Variants in DOT1L observed in about 807,000 individuals in gnomAD.
DOT1L encodes DOT1 like histone lysine methyltransferase.
Under a neutral mutation model 153.3 loss-of-function variants are expected in DOT1L, and 33 were observed. The ratio of observed to expected loss-of-function variants is 0.22; its 90% CI spans 0.16 to 0.29. The LOEUF (loss-of-function observed/expected upper bound fraction) is 0.29. Ranked by LOEUF, DOT1L falls within the 10% of genes least tolerant of loss-of-function variation. The probability of loss-of-function intolerance (pLI) is 1.00; values close to 1 mark genes in which losing one functional copy is unlikely to be tolerated. For missense variants in DOT1L, 1,847 were observed against 2,119.9 expected, an observed-to-expected ratio of 0.87 and a Z score of 2.53; for synonymous variants, 1,135 against 965.1, an observed-to-expected ratio of 1.18 and a Z score of -3.26.
intron 27 of DOT1L, chr19:2,227,663 G>T: frequency 7.9e-7 from 1 of 1,269,398 alleles, no homozygotes. Context: ...CTTTTTGTGA[G>T]CCTGCGGCTG....
Position 2,226,927 on chromosome 19 carries a change from C to T in DOT1L, c.4406C>T (p.Pro1469Leu), listed in dbSNP as rs375062102. The change falls in exon 27 of 28, where the codon CCG becomes CTG. Residue 1469 changes from proline (P) to leucine (L), a missense_variant. Around this residue, in one of 8 missense-constraint regions of DOT1L, gnomAD observed 934 missense variants for 825.3 expected, o/e 1.13. Coordinates refer to ENST00000398665, the MANE Select transcript of DOT1L (RefSeq NM_032482.3). ...QTHRSFLGPF[P>L]PGPQFALGPM... ...CACCGGTCCTTCCTGGGCCCCTTCC[C>T]GCCGGGACCGCAGTTCGCGCTCGGC... The T allele has an allele frequency of 4.4e-6, 7 of 1,581,612 alleles. No individual in the cohort carries two copies. In the African/African-American group the frequency reaches 5.5e-5, roughly 12 times the overall value.
At chr19:2,219,781 G>A (rs1335564601) in intron 22 of DOT1L, among the ~76,000 whole-genome samples, 1 of 152,168 alleles carries the variant, frequency 6.6e-6, no homozygotes, top group East Asian at 1.9e-4. Flanking sequence ...GGAGAACACA[G>A]CCGCTTCCCG....
In DOT1L at chr19:2,222,316, C is replaced by T; in HGVS notation, c.3147C>T (p.Ile1049=). The T allele has an allele frequency of 6.2e-7, 1 of 1,613,032 alleles. No homozygotes were observed. The highest frequency in any genetic ancestry group is 2.2e-5 in the East Asian group (1 of 44,876). Residue 1049 remains isoleucine, a synonymous_variant, in exon 24 of 28, where the codon ATC becomes ATT. Coordinates refer to ENST00000398665, the MANE Select transcript of DOT1L (RefSeq NM_032482.3). The surrounding 1 kb of genome is among the most constrained non-coding windows in gnomAD (Gnocchi z 6.5). ...CCAAGAGGAGGATTGTGTTCACCAT[C>T]ACCACTGGTGCGGGCAGTGCCAAGC... The part of the protein sequence containing the change: ...SEAKRRIVFT[I]TTGAGSAKQS...
intron 2 of DOT1L, among the ~76,000 whole-genome samples, chr19:2,181,396 T>G (rs531812817): frequency 6.6e-6 from 1 of 152,292 alleles, no homozygotes; most frequent in Non-Finnish European, 1.5e-5. Context: ...ACACCGCCCG[T>G]GCCCATGCCC....
chr19:2,217,653 C>T lies in DOT1L; in HGVS notation c.2545-119C>T, dbSNP rs2023955190. The T allele has an allele frequency of 3.5e-6, 5 of 1,429,896 alleles. No homozygotes were observed. In the East Asian group the frequency reaches 7.5e-5, roughly 21 times the overall value. 88.6% of individuals were successfully genotyped at this position (1,429,896 alleles called of 1,614,324 possible). On this transcript the variant is annotated intron_variant, in intron 21 of 27. Coordinates refer to ENST00000398665, the MANE Select transcript of DOT1L (RefSeq NM_032482.3). This position sits in a 1 kb window ranked among gnomAD's most constrained non-coding sequence, Gnocchi z 7.3. ...GACTGCGTGGGGAAGGTTGCAGGGC[C>T]TTGGCAGCGTGGGGGCCGCCTTGAG...
chr19:2,178,380 A>C (rs1469103869), intron 1 of DOT1L, among the ~76,000 whole-genome samples: 2 of 150,698 alleles, frequency 1.3e-5, no homozygotes, highest in African/African-American at 2.4e-5. Flanking sequence ...AAAAAAAAAA[A>C]AACAAAAAAT....
rs1599571563 is a variant in DOT1L, at chr19:2,197,728, A to G, written c.652-2156A>G. 1.3e-5 allele frequency among the ~76,000 whole-genome samples: 2 copies of G among 152,286 alleles called. No individual in the cohort carries two copies. Among genetic ancestry groups the G allele is most frequent in the African/African-American group, 4.8e-5 (2 of 41,558 alleles). ...AGCATGATTTGGGGGAAAGCGTGGC[A>G]TTCTTCGTGGCTTTGGCAACACGTG... On this transcript the variant is annotated intron_variant, in intron 7 of 27. Coordinates refer to ENST00000398665, the MANE Select transcript of DOT1L (RefSeq NM_032482.3). This position sits in a 1 kb window ranked among gnomAD's most constrained non-coding sequence, Gnocchi z 4.1.
Position 2,198,510 on chromosome 19 carries a change from C to T in DOT1L, c.652-1374C>T, listed in dbSNP as rs147801486. On this transcript the variant is annotated intron_variant, in intron 7 of 27. Transcript: ENST00000398665. ...CGGGCCCGGGGGGGTGTCCCTGTCT[C>T]TCTGGGGCTGAGTGGGTGGGCCACC... is the stretch of plus-strand genomic sequence containing the variant. Among the ~76,000 whole-genome samples the T allele has an allele frequency of 2.4e-3, 365 of 152,326 alleles. 1 individual carries two copies. The highest frequency in any genetic ancestry group is 8.3e-3 in the African/African-American group (346 of 41,580).
At chr19:2,192,999 C>T (rs1021909014) in intron 5 of DOT1L, among the ~76,000 whole-genome samples, 2 of 152,222 alleles carry the variant, frequency 1.3e-5, no homozygotes, top group East Asian at 1.9e-4. Context: ...CTCCATGGTT[C>T]ATGCCCGTTC....
At chr19:2,172,342 G>C (rs1282938597) in intron 1 of DOT1L, among the ~76,000 whole-genome samples, 1 of 145,384 alleles carries the variant, frequency 6.9e-6, no homozygotes, top group Non-Finnish European at 1.5e-5. Context: ...GGCGCCCGCC[G>C]CCACGCCCAG....
intron 1 of DOT1L, among the ~76,000 whole-genome samples, chr19:2,179,911 A>G (rs1329098565): frequency 6.6e-6 from 1 of 151,906 alleles, no homozygotes; most frequent in Non-Finnish European, 1.5e-5. Flanking sequence ...TCAGCACAGT[A>G]GCACGCAGAC....
rs757259769 is a variant in DOT1L, at chr19:2,227,217, C to T, written c.4606+90C>T. 16 of 1,516,018 alleles carry T rather than the reference C, an allele frequency of 1.1e-5. No homozygotes were observed. In the Admixed American group the frequency reaches 2.4e-4, roughly 22 times the overall value. The allele number at this position is 1,516,018 out of a possible 1,614,324, so 93.9% of individuals were successfully genotyped here. On this transcript the variant is annotated intron_variant, in intron 27 of 27. Transcript: ENST00000398665. ...GGTTCCCTTCCGCACTCTCTTGCAGCAGGAGCTGAGCTGCAGGTCCCCTGG... is the reference window on the plus strand; with the variant it reads ...GGTTCCCTTCCGCACTCTCTTGCAGTAGGAGCTGAGCTGCAGGTCCCCTGG...
Position 2,222,476 on chromosome 19 carries a change from G to GA in DOT1L, c.3307_3308insA (p.Val1103AspfsTer31), listed in dbSNP as rs1355281227. 1 of 1,602,062 alleles carries GA rather than the reference G, an allele frequency of 6.2e-7. No homozygotes were observed. Among genetic ancestry groups the GA allele is most frequent in the Non-Finnish European group, 8.5e-7 (1 of 1,176,850 alleles). On this transcript the variant is annotated frameshift_variant, in exon 24 of 28. Transcript: ENST00000398665. LOFTEE classifies it high-confidence loss of function. The surrounding 1 kb of genome is among the most constrained non-coding windows in gnomAD (Gnocchi z 6.5). ...GGGGACGCCCAGCTTGAGCGCAGGC[G>GA]TGTCCCCCAAGCGCCGAGCCCTGCC...
intron 25 of DOT1L, 141 bp downstream of exon 25, chr19:2,223,627 T>G (rs1199121196): frequency 9.7e-7 from 1 of 1,035,266 alleles, no homozygotes; most frequent in African/African-American, 1.6e-5. Flanking sequence ...GGCGTCTGTT[T>G]TGTGAGGGGC....
Position 2,231,003 on chromosome 19 carries a change from C to T in DOT1L, c.*1211C>T, listed in dbSNP as rs149510201. On this transcript the variant is annotated 3_prime_UTR_variant, in exon 28 of 28. Coordinates refer to ENST00000398665, the MANE Select transcript of DOT1L (RefSeq NM_032482.3). ...TCTCTGGCCCTAGGCCCCAGGGTGA[C>T]GTCGGCCCCCCACTCTGCAGCCTTG... 17 of 240,348 alleles carry T rather than the reference C, an allele frequency of 7.1e-5. No homozygotes were observed. Among genetic ancestry groups the T allele is most frequent in the Admixed American group, 1.1e-4 (2 of 17,968 alleles). 14.9% of individuals were successfully genotyped at this position (240,348 alleles called of 1,614,324 possible).
chr19:2,169,530 G>A (rs907185324), intron 1 of DOT1L, among the ~76,000 whole-genome samples: 1 of 152,098 alleles, frequency 6.6e-6, no homozygotes, highest in African/African-American at 2.4e-5. Flanking sequence ...GACTCGCTCT[G>A]TCTCCCAGGC....
chr19:2,175,555 G>A (rs2021887210), intron 1 of DOT1L, among the ~76,000 whole-genome samples: 1 of 152,184 alleles, frequency 6.6e-6, no homozygotes, highest in Admixed American at 6.5e-5. Context: ...CTGGCTGGAC[G>A]CAGTGGCTCA....
chr19:2,198,576 G>C (rs1394198777), intron 7 of DOT1L, among the ~76,000 whole-genome samples: 2 of 152,210 alleles, frequency 1.3e-5, no homozygotes, highest in African/African-American at 4.8e-5. Flanking sequence ...TACCCTCTCT[G>C]CTCGGGGACT....
chr19:2,198,432 G>A lies in DOT1L; in HGVS notation c.652-1452G>A, dbSNP rs919218678. 5.3e-5 allele frequency among the ~76,000 whole-genome samples: 8 copies of A among 152,342 alleles called. No homozygotes were observed. The East Asian group carries it at 1.2e-3, about 22-fold the overall frequency. Reference sequence around the variant, plus strand: ...ATGTGCAGCTGCTCCTGGCCGGGGCGGGTGGCCCTGCCCTCTGGATCTGCG... The same window carrying A: ...ATGTGCAGCTGCTCCTGGCCGGGGCAGGTGGCCCTGCCCTCTGGATCTGCG... On this transcript the variant is annotated intron_variant, in intron 7 of 27. Coordinates refer to ENST00000398665, the MANE Select transcript of DOT1L (RefSeq NM_032482.3).
Sources: gnomAD v4.1 joint callset for allele counts (sites outside exome capture counted in the v4.1 genomes callset) on GRCh38, gnomAD v4.1.1 for gene constraint, gnomAD v4.1.1 regional missense constraint, Gnocchi (gnomAD v3.1) non-coding constraint, MANE v1.5 for transcripts, NCBI Gene and HGNC (gene_info 2026-07-23, HGNC 2026-07-21) for gene names.